PAX3: variants seen among roughly 807,000 people sequenced by gnomAD.
The protein encoded by PAX3 is paired box 3.
Under a neutral mutation model 51.6 loss-of-function variants are expected in PAX3, and 14 were observed. The observed-to-expected ratio is 0.27, with a 90% CI of 0.18 to 0.42. The LOEUF (loss-of-function observed/expected upper bound fraction) is 0.42, where lower values mean the gene tolerates loss of function less well. Among genes scored for constraint, PAX3 ranks in the 10% least tolerant of loss-of-function variants. The pLI is 1.00. For missense variants in PAX3, 540 were observed against 642.8 expected (o/e 0.84, Z 1.73); for synonymous variants, 280 against 253.4 (o/e 1.11, Z -1.00).
chr2:222,229,285 A>G (rs1692498120), intron 5 of PAX3, among the ~76,000 whole-genome samples: 1 of 150,080 alleles, frequency 6.7e-6, no homozygotes, highest in Non-Finnish European at 1.5e-5. Flanking sequence ...ATATTTATAT[A>G]GTATTATATA....
chr2:222,236,723 TAA>T (rs2106103162), intron 4 of PAX3, among the ~76,000 whole-genome samples: 1 of 152,320 alleles, frequency 6.6e-6, no homozygotes, highest in African/African-American at 2.4e-5. Flanking sequence ...AGATTAAATA[TAA>T]ACTCTTTGGA....
At chr2:222,262,999 T>C (rs981861078) in intron 4 of PAX3, 1 of 152,114 alleles carries the variant, frequency 6.6e-6, no homozygotes, top group South Asian at 2.1e-4. Flanking sequence ...AAATGGGTCA[T>C]AGAACTAAAT....
At chr2:222,266,480 C>T (rs148039162) in intron 4 of PAX3, among the ~76,000 whole-genome samples, 1 of 152,216 alleles carries the variant, frequency 6.6e-6, no homozygotes, top group Non-Finnish European at 1.5e-5. Flanking sequence ...AAGTAGCCCC[C>T]TCCTCAGTTA....
intron 4 of PAX3, among the ~76,000 whole-genome samples, chr2:222,275,224 T>G (rs545574828): frequency 1.6e-4 from 25 of 152,304 alleles, no homozygotes; most frequent in East Asian, 1.2e-3. Context: ...ACAAAGGGTA[T>G]AGTTCTTCTT....
At chr2:222,237,887 AATAACTGGAAAC>A (rs1452286268) in intron 4 of PAX3, among the ~76,000 whole-genome samples, 1 of 152,234 alleles carries the variant, frequency 6.6e-6, no homozygotes, top group African/African-American at 2.4e-5. Flanking sequence ...TGCAGGAAGG[AATAACTGGAAAC>A]ATATCAGGAT....
At chr2:222,263,888 C>T (rs1363643337) in intron 4 of PAX3, 3 of 152,146 alleles carry the variant, frequency 2.0e-5, no homozygotes, top group Non-Finnish European at 4.4e-5. Flanking sequence ...AATCTCAAAA[C>T]ATTACATACT....
At chr2:222,242,369 C>T (rs1429152135) in intron 4 of PAX3, 5 of 152,128 alleles carry the variant, frequency 3.3e-5, no homozygotes, top group African/African-American at 1.2e-4. Flanking sequence ...AAAGCAGCTA[C>T]TTACTGACCT....
At chr2:222,221,154 G>A in intron 6 of PAX3, 68 bp downstream of exon 6, 1 of 1,456,458 alleles carries the variant, frequency 6.9e-7, no homozygotes. Flanking sequence ...GGATTCACTT[G>A]TATAAAATAT....
intron 4 of PAX3, among the ~76,000 whole-genome samples, chr2:222,290,995 G>A (rs1695012805): frequency 6.6e-6 from 1 of 152,086 alleles, no homozygotes; most frequent in African/African-American, 2.4e-5. Flanking sequence ...GGACATAAAG[G>A]AGGCAATTGA....
chr2:222,205,956 T>A (rs1324945257), intron 7 of PAX3, among the ~76,000 whole-genome samples: 1 of 152,230 alleles, frequency 6.6e-6, no homozygotes, highest in Non-Finnish European at 1.5e-5. Context: ...TGTCTTCCAG[T>A]CACATTTTCT....
chr2:222,231,925 A>G (rs1396623986), intron 5 of PAX3, among the ~76,000 whole-genome samples, 153 bp downstream of exon 5: 1 of 152,248 alleles, frequency 6.6e-6, no homozygotes, highest in African/African-American at 2.4e-5. Flanking sequence ...GTATTCTGTC[A>G]GTAAATAATC....
At chr2:222,224,488 A>G (rs889359716) in intron 5 of PAX3, among the ~76,000 whole-genome samples, 2 of 152,174 alleles carry the variant, frequency 1.3e-5, no homozygotes, top group African/African-American at 4.8e-5. Context: ...GTATTAAAGG[A>G]AAAACACACT....
At chr2:222,233,073 C>T (rs573894022) in intron 4 of PAX3, 89 of 42,940 alleles carry the variant, frequency 2.1e-3, no homozygotes, top group African/African-American at 0.01. Flanking sequence ...TTTAAGAAAG[C>T]CAATGCAAAA....
At chr2:222,255,981 G>A (rs1693627248) in intron 4 of PAX3, among the ~76,000 whole-genome samples, 1 of 137,216 alleles carries the variant, frequency 7.3e-6, no homozygotes, top group African/African-American at 2.8e-5. Context: ...GTGTTAGCCA[G>A]GATGGTCTCG....
At chr2:222,280,410 G>A (rs990717729) in intron 4 of PAX3, among the ~76,000 whole-genome samples, 2 of 125,430 alleles carry the variant, frequency 1.6e-5, no homozygotes, top group African/African-American at 2.9e-5. Context: ...AAGAAAGAAA[G>A]AAAAAAGAAA....
At chr2:222,243,462 A>G (rs1274247094) in intron 4 of PAX3, among the ~76,000 whole-genome samples, 1 of 152,216 alleles carries the variant, frequency 6.6e-6, no homozygotes, top group Non-Finnish European at 1.5e-5. Flanking sequence ...TGGAGCCTAA[A>G]CTCAAAAAGT....
chr2:222,250,002 A>G (rs766887487), intron 4 of PAX3, among the ~76,000 whole-genome samples: 7 of 152,192 alleles, frequency 4.6e-5, no homozygotes, highest in Non-Finnish European at 8.8e-5. Flanking sequence ...ATGGAGACAT[A>G]TAGGTCATGG....
rs1014795529 is a variant in PAX3 at position 222,206,611 on chromosome 2, A to G, written c.1174-4421T>C. Among the ~76,000 whole-genome samples, 4 of 152,242 alleles carry G rather than the reference A, an allele frequency of 2.6e-5. 1 individual carries two copies. The highest frequency in any genetic ancestry group is 4.8e-5 in the African/African-American group (2 of 41,572). On this transcript the variant is annotated intron_variant, in intron 7 of 8. Coordinates refer to ENST00000392070, the MANE Select transcript of PAX3 (RefSeq NM_181458.4). ...CTCATTCTCAAGTTTCAGAATTCCA[A>G]ATAGGTTGTTTATATCTTGATTGGA...
chr2:222,220,031 A>G (rs775171720), intron 7 of PAX3, 109 bp downstream of exon 7: 7 of 932,858 alleles, frequency 7.5e-6, no homozygotes, highest in Non-Finnish European at 1.0e-5. Context: ...GCTTCTATAA[A>G]GAATACATTA....
Sources: allele counts gnomAD v4.1 joint callset (sites outside exome capture counted in the v4.1 genomes callset), GRCh38; gene constraint gnomAD v4.1.1; transcripts MANE v1.5; gene names NCBI Gene and HGNC (gene_info 2026-07-23, HGNC 2026-07-21).